The following RSAD2 variants were observed in gnomAD, a reference collection of about 807,000 sequenced individuals.
The protein encoded by RSAD2 is S-adenosylmethionine-dependent nucleotide dehydratase RSAD2.
RSAD2 carries 38 observed loss-of-function variants against 37.7 expected under a neutral mutation model. That is an observed-to-expected ratio of 1.01 (90% CI 0.78 to 1.32). The LOEUF is 1.32. Among genes scored for constraint, RSAD2 ranks in the 40% most tolerant of loss-of-function variants. The pLI, the probability that RSAD2 is intolerant of heterozygous loss-of-function variation, is 0.00. For synonymous variants in RSAD2, 163 were observed against 157.4 expected, an observed-to-expected ratio of 1.04 and a Z score of -0.27; for missense variants, 428 against 437.5, an observed-to-expected ratio of 0.98 and a Z score of 0.19.
chr2:6,879,465 C>A (rs1335785327), intron 1 of RSAD2, among the ~76,000 whole-genome samples: 1 of 152,106 alleles, frequency 6.6e-6, no homozygotes, highest in Non-Finnish European at 1.5e-5. Flanking sequence ...CTCATTTTCT[C>A]CAAACATCAA....
chr2:6,882,225 G>A (rs1389528475), intron 1 of RSAD2, among the ~76,000 whole-genome samples: 1 of 152,036 alleles, frequency 6.6e-6, no homozygotes, highest in African/African-American at 2.4e-5. Flanking sequence ...CAAAAGAAGA[G>A]GCAGACACCA....
intron 4 of RSAD2, among the ~76,000 whole-genome samples, chr2:6,892,588 C>A (rs1045342604): frequency 6.6e-6 from 1 of 152,134 alleles, no homozygotes; most frequent in African/African-American, 2.4e-5. Context: ...GGGGCAAAAT[C>A]TGAATTTTGA....
chr2:6,868,760 A>G (rs1312688594), intron 1 of RSAD2, among the ~76,000 whole-genome samples: 1 of 152,152 alleles, frequency 6.6e-6, no homozygotes, highest in Non-Finnish European at 1.5e-5. Context: ...TGATACAGCT[A>G]CCTTTGAGGG....
chr2:6,866,222 T>C (rs1663086799), intron 1 of RSAD2, among the ~76,000 whole-genome samples: 1 of 152,230 alleles, frequency 6.6e-6, no homozygotes, highest in African/African-American at 2.4e-5. Flanking sequence ...CTACTGCCCT[T>C]GGATGACTGA....
chr2:6,882,610 T>C (rs1291213632), intron 1 of RSAD2, among the ~76,000 whole-genome samples: 1 of 152,104 alleles, frequency 6.6e-6, no homozygotes, highest in Non-Finnish European at 1.5e-5. Context: ...TAAAAGAAGA[T>C]TTTTCTTTAT....
intron 4 of RSAD2, among the ~76,000 whole-genome samples, chr2:6,891,697 G>A (rs538058310): frequency 2.0e-5 from 3 of 152,298 alleles, no homozygotes; most frequent in African/African-American, 7.2e-5. Context: ...AACCCGGGAG[G>A]CGGAGCTTGC....
rs776228697 is a variant in RSAD2, at chr2:6,878,156, T to C, written c.346+10T>C. ...TTGCTTAAGGAAGCTGGTGAGTACA[T>C]GGTCCTAGACAGAAATCAGGATTCT... is the stretch of plus-strand genomic sequence containing the variant. On this transcript the variant is annotated intron_variant, in intron 1 of 5. Coordinates refer to ENST00000382040, the MANE Select transcript of RSAD2 (RefSeq NM_080657.5). The C allele has an allele frequency of 2.5e-6, 4 of 1,607,500 alleles. No homozygotes were observed. Among genetic ancestry groups the C allele is most frequent in the Non-Finnish European group, 3.4e-6 (4 of 1,176,494 alleles).
intron 2 of RSAD2, among the ~76,000 whole-genome samples, chr2:6,884,222 ATGTTGC>A (rs1223582210): frequency 1.3e-5 from 2 of 152,094 alleles, no homozygotes; most frequent in Non-Finnish European, 2.9e-5. Flanking sequence ...TCTGTTGAGG[ATGTTGC>A]TGAGACATCT....
At chr2:6,890,694 A>G (rs577507891) in intron 4 of RSAD2, among the ~76,000 whole-genome samples, 6 of 152,274 alleles carry the variant, frequency 3.9e-5, no homozygotes, top group Admixed American at 3.9e-4. Context: ...AACGAACGCC[A>G]CTCTGTTGAT....
At chr2:6,869,668 A>G (rs1663169906) in intron 1 of RSAD2, among the ~76,000 whole-genome samples, 1 of 152,230 alleles carries the variant, frequency 6.6e-6, no homozygotes, top group Admixed American at 6.5e-5. Flanking sequence ...CACACAAAAA[A>G]TATTCAAATG....
intron 1 of RSAD2, among the ~76,000 whole-genome samples, chr2:6,871,199 A>G (rs1296885264): frequency 1.3e-5 from 2 of 152,260 alleles, no homozygotes. Context: ...TAGCGCTTGC[A>G]GGACCAACAC....
At chr2:6,889,567 C>G (rs1291064163) in intron 3 of RSAD2, among the ~76,000 whole-genome samples, 1 of 152,166 alleles carries the variant, frequency 6.6e-6, no homozygotes, top group Non-Finnish European at 1.5e-5. Context: ...GGCTGTCACC[C>G]TTTGTCACCT....
rs1208910638 is a variant in RSAD2, at chr2:6,887,158, C to T, written c.732C>T (p.Arg244=). Residue 244 remains arginine, a synonymous_variant, in exon 3 of 6, where the codon CGC becomes CGT. Transcript: ENST00000382040. ...TEQIKALNPV[R]WKVFQCLLIE... is the part of the protein sequence containing the mutation. ...AGATCAAAGCACTAAACCCTGTCCG[C>T]TGGAAAGTAAGTACACAAGGTCGCT... is the stretch of plus-strand genomic sequence containing the variant. 7 of 1,611,866 alleles carry T rather than the reference C, an allele frequency of 4.3e-6. No individual in the cohort carries two copies. The Admixed American group carries it at 1.2e-4, about 27-fold the overall frequency.
chr2:6,885,995 T>A (rs1663510421), intron 2 of RSAD2, among the ~76,000 whole-genome samples: 1 of 152,122 alleles, frequency 6.6e-6, no homozygotes, highest in African/African-American at 2.4e-5. Context: ...AAAATAGGAG[T>A]TAAAATGACT....
chr2:6,873,432 G>A (rs1303664361), upstream of RSAD2, among the ~76,000 whole-genome samples: 3 of 152,174 alleles, frequency 2.0e-5, no homozygotes, highest in Admixed American at 2.0e-4. Context: ...TTATGCAAAT[G>A]GGCTTTCCAT....
At chr2:6,886,862 C>T in intron 2 of RSAD2, 73 bp from the exon 3 acceptor site, 1 of 1,046,532 alleles carries the variant, frequency 9.6e-7, no homozygotes, top group Non-Finnish European at 1.4e-6. Flanking sequence ...TATATTTTAT[C>T]ACAAGAGATC....
chr2:6,873,062 C>A (rs974872564), upstream of RSAD2, among the ~76,000 whole-genome samples: 5 of 152,092 alleles, frequency 3.3e-5, no homozygotes, highest in Non-Finnish European at 1.5e-5. Context: ...ATTCTTTTTG[C>A]GTGGCCACAA....
At chr2:6,884,057 C>G (rs1265285804) in intron 2 of RSAD2, among the ~76,000 whole-genome samples, 2 of 152,210 alleles carry the variant, frequency 1.3e-5, no homozygotes, top group Non-Finnish European at 2.9e-5. Context: ...TATAGCAGTT[C>G]TTAAAACTTA....
chr2:6,879,752 C>T (rs1400880886), intron 1 of RSAD2, among the ~76,000 whole-genome samples: 1 of 151,834 alleles, frequency 6.6e-6, no homozygotes, highest in Admixed American at 6.6e-5. Flanking sequence ...GTCTTCATGC[C>T]TGACAGGATG....
Sources: gnomAD v4.1 joint callset for allele counts (sites outside exome capture counted in the v4.1 genomes callset) on GRCh38, gnomAD v4.1.1 for gene constraint, MANE v1.5 for transcripts, NCBI Gene and HGNC (gene_info 2026-07-23, HGNC 2026-07-21) for gene names.